GALNT11: variants seen among roughly 807,000 people sequenced by gnomAD.
The protein encoded by GALNT11 is UDP-GalNAc:polypeptide N-acetylgalactosaminyltransferase 11.
A neutral mutation model predicts 72.7 loss-of-function variants in GALNT11; 47 were observed. The ratio of observed to expected loss-of-function variants is 0.65; its 90% confidence interval spans 0.51 to 0.82. The LOEUF (loss-of-function observed/expected upper bound fraction) is 0.82, where lower values mean the gene tolerates loss of function less well. GALNT11 is among the 40% of genes least tolerant of loss of function. The pLI, the probability that GALNT11 is intolerant of heterozygous loss-of-function variation, is 0.00. For missense variants in GALNT11, 677 were observed against 778.4 expected, an observed-to-expected ratio of 0.87 and a Z score of 1.55; for synonymous variants, 270 against 286.6, an observed-to-expected ratio of 0.94 and a Z score of 0.58.
rs1441543253 is a variant in GALNT11, at chr7:152,101,469, C to T, written c.419+548C>T. On this transcript the variant is annotated intron_variant, in intron 3 of 11. Coordinates refer to ENST00000430044, the MANE Select transcript of GALNT11 (RefSeq NM_022087.4). ...AGGCAAATAAGTCAACAAGTCCTTA[C>T]ATGAGTAAGGGCTGTGACAGGGTTT... is the stretch of plus-strand genomic sequence containing the variant. 5.9e-5 allele frequency among the ~76,000 whole-genome samples: 9 copies of T among 152,002 alleles called. No homozygotes were observed. In the East Asian group the frequency reaches 1.5e-3, roughly 26 times the overall value.
At position 152,113,323 on chromosome 7, in the gene GALNT11, T is replaced by C. The variant is rs144110318; in HGVS notation, c.1158T>C (p.Tyr386=). Residue 386 remains tyrosine (Y), a synonymous_variant, in exon 8 of 12, where the codon TAT becomes TAC. Coordinates refer to ENST00000430044, the MANE Select transcript of GALNT11 (RefSeq NM_022087.4). The part of the protein sequence containing the change: ...VGHIFRKRRP[Y]GSPEGQDTMT... ...ACATTTTCCGAAAAAGGCGACCATA[T>C]GGATCTCCCGAAGGCCAGGACACCA... is the stretch of plus-strand genomic sequence containing the variant. 5 of 1,614,048 alleles carry C rather than the reference T, an allele frequency of 3.1e-6. No homozygotes were observed. In the African/African-American group the frequency reaches 6.7e-5, roughly 22 times the overall value.
intron 1 of GALNT11, among the ~76,000 whole-genome samples, chr7:152,038,516 C>T (rs113139753): frequency 7.2e-5 from 11 of 152,316 alleles, no homozygotes; most frequent in Middle Eastern, 6.8e-3. Flanking sequence ...TCCAGCATTG[C>T]GTCAAGGCCA....
In GALNT11 at chr7:152,025,901, C is replaced by G. The variant is rs1224096544; in HGVS notation, c.-39+17C>G. 2 of 236,288 alleles carry G rather than the reference C, an allele frequency of 8.5e-6. No homozygotes were observed. Among genetic ancestry groups the G allele is most frequent in the Non-Finnish European group, 1.8e-5 (2 of 108,404 alleles). 14.6% of individuals were successfully genotyped at this position (236,288 alleles called of 1,614,324 possible). A position where few individuals can be genotyped will look rare whatever the true frequency, so the allele number is the denominator to read the frequency against. On this transcript the variant is annotated intron_variant, in intron 1 of 11. Coordinates refer to ENST00000430044, the MANE Select transcript of GALNT11 (RefSeq NM_022087.4). ...GGCAAGGCGGTGAGTACCCTCTAGG[C>G]GGCGGCCTCCCGGCGTCCCTCAGCA...
chr7:152,050,850 T>G (rs1587002460), intron 1 of GALNT11, among the ~76,000 whole-genome samples: 1 of 152,334 alleles, frequency 6.6e-6, no homozygotes, highest in East Asian at 1.9e-4. Context: ...ATGCTTCCTC[T>G]GTGGGCGCCA....
chr7:152,096,645 G>A lies in GALNT11; in HGVS notation c.295+2123G>A, dbSNP rs896610232. Among the ~76,000 whole-genome samples the A allele has an allele frequency of 5.3e-5, 8 of 151,562 alleles. No individual in the cohort carries two copies. In the South Asian group the frequency reaches 1.5e-3, roughly 28 times the overall value. On this transcript the variant is annotated intron_variant, in intron 2 of 11. Coordinates refer to ENST00000430044, the MANE Select transcript of GALNT11 (RefSeq NM_022087.4). ...CAAGAGAATTGCTTGAACCTGGGAG[G>A]CGGAGGTTGCAGTGAGTCAAGATCG...
chr7:152,104,232 A>G (rs2087280217), intron 4 of GALNT11: 1 of 152,248 alleles, frequency 6.6e-6, no homozygotes, highest in Non-Finnish European at 1.5e-5. Flanking sequence ...TAGAGTGGAA[A>G]TGAGACCTCT....
At chr7:152,048,614 C>G (rs1021989218) in intron 1 of GALNT11, among the ~76,000 whole-genome samples, 1 of 151,570 alleles carries the variant, frequency 6.6e-6, no homozygotes, top group African/African-American at 2.4e-5. Context: ...ACTGCAAGCT[C>G]CACCTCCCAG....
intron 1 of GALNT11, among the ~76,000 whole-genome samples, chr7:152,059,263 T>C (rs1029878403): frequency 6.6e-6 from 1 of 151,960 alleles, no homozygotes; most frequent in Non-Finnish European, 1.5e-5. Flanking sequence ...GCCCAACTTT[T>C]TTTTTTGTAT....
At chr7:152,117,620 G>C in intron 9 of GALNT11, 1 of 539,416 alleles carries the variant, frequency 1.9e-6, no homozygotes, top group Non-Finnish European at 3.3e-6. Context: ...CGCTTTCCAA[G>C]AGCGCAGAGG....
At position 152,063,605 on chromosome 7, in the gene GALNT11, A is replaced by G. The variant is rs574793599; in HGVS notation, c.-38-30585A>G. 2.0e-4 allele frequency among the ~76,000 whole-genome samples: 31 copies of G among 152,330 alleles called. 1 individual carries two copies. The South Asian group carries it at 6.2e-3, about 31-fold the overall frequency. ...CTTTCTTTTGTGGGCATTTAGTGCT[A>G]TAAATTTCCCTCTACCCACTGCTTT... is the stretch of plus-strand genomic sequence containing the variant. On this transcript the variant is annotated intron_variant, in intron 1 of 11. Coordinates refer to ENST00000430044, the MANE Select transcript of GALNT11 (RefSeq NM_022087.4).
intron 1 of GALNT11, among the ~76,000 whole-genome samples, chr7:152,058,158 TAAA>T (rs71198755): frequency 3.3e-5 from 5 of 151,218 alleles, no homozygotes; most frequent in African/African-American, 9.7e-5. Context: ...CATTATAGCT[TAAA>T]AAAAAAGCCC....
At chr7:152,096,964 G>A (rs1010414553) in intron 2 of GALNT11, among the ~76,000 whole-genome samples, 1 of 151,976 alleles carries the variant, frequency 6.6e-6, no homozygotes, top group Admixed American at 6.6e-5. Flanking sequence ...AGTAGCTGGG[G>A]CTACAGGGGT....
intron 1 of GALNT11, among the ~76,000 whole-genome samples, chr7:152,080,481 T>C (rs2129019320): frequency 6.6e-6 from 1 of 152,286 alleles, no homozygotes; most frequent in South Asian, 2.1e-4. Flanking sequence ...CTAACCTGAG[T>C]CTATTAATTT....
chr7:152,079,418 ATGT>A (rs2085183428), intron 1 of GALNT11: 2 of 152,154 alleles, frequency 1.3e-5, no homozygotes, highest in South Asian at 4.1e-4. Flanking sequence ...GGTATTTGCC[ATGT>A]TGTTTGTCCT....
intron 1 of GALNT11, among the ~76,000 whole-genome samples, chr7:152,079,697 T>A (rs1369666196): frequency 6.6e-6 from 1 of 152,228 alleles, no homozygotes; most frequent in African/African-American, 2.4e-5. Context: ...TTGGTAGCTA[T>A]GTTTTCTTCT....
chr7:152,059,817 T>C (rs1012191534), intron 1 of GALNT11, among the ~76,000 whole-genome samples: 1 of 152,214 alleles, frequency 6.6e-6, no homozygotes, highest in African/African-American at 2.4e-5. Context: ...TTTTGCATAA[T>C]TCTTAAAGGC....
intron 1 of GALNT11, among the ~76,000 whole-genome samples, chr7:152,067,046 G>A (rs1050405387): frequency 1.6e-4 from 25 of 152,130 alleles, no homozygotes; most frequent in African/African-American, 4.6e-4. Flanking sequence ...AAACCACAAC[G>A]TCAACGAAGC....
intron 7 of GALNT11, among the ~76,000 whole-genome samples, chr7:152,111,644 A>ATAT (rs201303779): frequency 7.2e-6 from 1 of 139,210 alleles, no homozygotes; most frequent in African/African-American, 2.7e-5. Flanking sequence ...ATATATATAT[A>ATAT]TTTTTTTAAA....
intron 1 of GALNT11, among the ~76,000 whole-genome samples, chr7:152,034,633 A>G (rs577254710): frequency 4.6e-5 from 7 of 152,084 alleles, no homozygotes; most frequent in Admixed American, 1.3e-4. Flanking sequence ...AGAACCCACA[A>G]TGGTCCCTGA....
Sources: allele counts gnomAD v4.1 joint callset (sites outside exome capture counted in the v4.1 genomes callset), GRCh38; gene constraint gnomAD v4.1.1; transcripts MANE v1.5; gene names NCBI Gene and HGNC (gene_info 2026-07-23, HGNC 2026-07-21).